PTPRD: variants seen among roughly 807,000 people sequenced by gnomAD.
PTPRD encodes the protein protein tyrosine phosphatase receptor type D.
In PTPRD, 34 loss-of-function variants were observed where a neutral mutation model predicts 214.5. The observed-to-expected ratio is 0.16, with a 90% confidence interval of 0.12 to 0.21. PTPRD has a LOEUF of 0.21. Ranked by LOEUF, PTPRD falls within the 10% of genes least tolerant of loss-of-function variation. PTPRD has a pLI of 1.00. For synonymous variants in PTPRD, 1,128 were observed against 845.7 expected (o/e 1.33, Z -5.79); for missense variants, 2,545 against 2,398.7 (o/e 1.06, Z -1.27).
At chr9:9,526,130 C>G (rs964746149) in intron 8 of PTPRD, among the ~76,000 whole-genome samples, 5 of 151,976 alleles carry the variant, frequency 3.3e-5, no homozygotes, top group African/African-American at 1.2e-4. Context: ...CTTCTTTAGC[C>G]CAACTTACAT....
At chr9:8,323,927 C>T (rs374738404) in intron 44 of PTPRD, among the ~76,000 whole-genome samples, 2 of 152,126 alleles carry the variant, frequency 1.3e-5, no homozygotes, top group African/African-American at 2.4e-5. Context: ...GACTTTGTCA[C>T]TTAGTCACTT....
intron 2 of PTPRD, among the ~76,000 whole-genome samples, chr9:10,489,203 T>C (rs959654829): frequency 1.3e-5 from 2 of 152,232 alleles, no homozygotes; most frequent in Non-Finnish European, 2.9e-5. Context: ...GGTCATTGCC[T>C]TCAAGGCATC....
chr9:8,399,289 A>C (rs1367183522), intron 36 of PTPRD, among the ~76,000 whole-genome samples: 2 of 152,160 alleles, frequency 1.3e-5, no homozygotes, highest in Non-Finnish European at 2.9e-5. Flanking sequence ...GGTTCTTCCT[A>C]AACTGGAGAA....
chr9:8,447,655 C>T (rs76453066), intron 34 of PTPRD, among the ~76,000 whole-genome samples: 2 of 152,220 alleles, frequency 1.3e-5, no homozygotes, highest in African/African-American at 4.8e-5. Context: ...TGTTTATTCC[C>T]GGAAACATTT....
intron 2 of PTPRD, among the ~76,000 whole-genome samples, chr9:10,571,910 A>G (rs1291918922): frequency 2.0e-5 from 3 of 152,078 alleles, no homozygotes; most frequent in Admixed American, 6.6e-5. Flanking sequence ...CTCGCCCACT[A>G]CTCACCTCCT....
At chr9:9,338,078 A>G (rs546189953) in intron 9 of PTPRD, among the ~76,000 whole-genome samples, 139 of 152,342 alleles carry the variant, frequency 9.1e-4, no homozygotes, top group African/African-American at 3.3e-3. Context: ...CAAATAAAAA[A>G]TTACATCTGA....
chr9:9,732,990 A>T (rs1387387556), intron 7 of PTPRD, among the ~76,000 whole-genome samples: 1 of 152,146 alleles, frequency 6.6e-6, no homozygotes, highest in East Asian at 1.9e-4. Flanking sequence ...GTAGGACTGA[A>T]TTCATCATTG....
chr9:9,326,311 A>G lies in PTPRD; in HGVS notation c.-203+71138T>C, dbSNP rs553191222. ...TGTGGATAATAGAGAATAAGAATGT[A>G]TAATTCTGAAATTACCTATGGATTG... On this transcript the variant is annotated intron_variant, in intron 9 of 45. Coordinates refer to ENST00000381196, the MANE Select transcript of PTPRD (RefSeq NM_002839.4). Among the ~76,000 whole-genome samples, 288 of 152,312 alleles carry G rather than the reference A, an allele frequency of 1.9e-3. 1 individual carries two copies. Among genetic ancestry groups the G allele is most frequent in the African/African-American group, 6.7e-3 (280 of 41,578 alleles).
At chr9:9,771,085 A>G (rs1565138615) in intron 5 of PTPRD, among the ~76,000 whole-genome samples, 1 of 152,172 alleles carries the variant, frequency 6.6e-6, no homozygotes, top group Non-Finnish European at 1.5e-5. Context: ...AAACAAATTA[A>G]ATGATCATCA....
intron 5 of PTPRD, among the ~76,000 whole-genome samples, chr9:9,888,726 T>C (rs184154049): frequency 1.3e-5 from 2 of 152,238 alleles, no homozygotes; most frequent in African/African-American, 4.8e-5. Flanking sequence ...GGCTGAACCA[T>C]GAGCCAAATA....
intron 3 of PTPRD, among the ~76,000 whole-genome samples, chr9:10,209,481 C>A (rs539528813): frequency 6.6e-6 from 1 of 152,080 alleles, no homozygotes; most frequent in African/African-American, 2.4e-5. Flanking sequence ...TCAATTCAAA[C>A]TTGTTTCCCT....
rs187725408 is a variant in PTPRD, at chr9:9,018,525, A to G, written c.-104+172T>C. Among the ~76,000 whole-genome samples, 107 of 152,342 alleles carry G rather than the reference A, an allele frequency of 7.0e-4. No homozygotes were observed. In the Middle Eastern group the frequency reaches 0.037, roughly 53 times the overall value. On this transcript the variant is annotated intron_variant, in intron 11 of 45. Coordinates refer to ENST00000381196, the MANE Select transcript of PTPRD (RefSeq NM_002839.4). ...ACAGAAAATTTATGTATATTTTTTA[A>G]GACTCCAAATAATTTGAAAGTGTTG...
chr9:10,123,483 G>A (rs1319366853), intron 3 of PTPRD, among the ~76,000 whole-genome samples: 2 of 152,212 alleles, frequency 1.3e-5, no homozygotes, highest in East Asian at 1.9e-4. Context: ...AAATGTCTTG[G>A]AAGTTGACCC....
intron 4 of PTPRD, among the ~76,000 whole-genome samples, chr9:9,949,266 T>C (rs771402201): frequency 2.6e-4 from 40 of 152,108 alleles, no homozygotes; most frequent in Non-Finnish European, 4.6e-4. Context: ...TTTAGAGATT[T>C]TAAAAATTGA....
At chr9:8,443,368 G>C (rs113092625) in intron 34 of PTPRD, among the ~76,000 whole-genome samples, 4 of 152,294 alleles carry the variant, frequency 2.6e-5, no homozygotes, top group African/African-American at 9.6e-5. Flanking sequence ...TGTTAGCATT[G>C]ATCCAATTAA....
chr9:9,080,960 AT>A (rs547694644), intron 10 of PTPRD, among the ~76,000 whole-genome samples: 1 of 151,946 alleles, frequency 6.6e-6, no homozygotes, highest in South Asian at 2.1e-4. Context: ...GGATTCACTG[AT>A]TTTTTTAAAG....
chr9:10,335,748 T>A (rs1597389355), intron 3 of PTPRD, among the ~76,000 whole-genome samples: 1 of 151,188 alleles, frequency 6.6e-6, no homozygotes, highest in South Asian at 2.1e-4. Flanking sequence ...AACTAAACAA[T>A]AAGAAACAAA....
intron 30 of PTPRD, among the ~76,000 whole-genome samples, chr9:8,472,831 C>G (rs1418778346): frequency 7.2e-5 from 11 of 152,200 alleles, no homozygotes; most frequent in African/African-American, 2.6e-4. Flanking sequence ...CTAGAGCATT[C>G]TGGTGAAGAA....
intron 9 of PTPRD, among the ~76,000 whole-genome samples, chr9:9,371,173 G>A (rs980583551): frequency 3.3e-5 from 5 of 152,066 alleles, no homozygotes; most frequent in African/African-American, 7.2e-5. Flanking sequence ...AATTGTAATA[G>A]TTTCAGAAGG....
Sources: allele counts gnomAD v4.1 joint callset (sites outside exome capture counted in the v4.1 genomes callset), GRCh38; gene constraint gnomAD v4.1.1; transcripts MANE v1.5; gene names NCBI Gene and HGNC (gene_info 2026-07-23, HGNC 2026-07-21).